Variants in GPD2 observed in about 807,000 individuals in gnomAD.
GPD2 encodes glycerol-3-phosphate dehydrogenase 2, also known as glycerol-3-phosphate dehydrogenase, mitochondrial.
GPD2 carries 54 observed loss-of-function variants against 82.4 expected under a neutral mutation model. That is an observed-to-expected ratio of 0.66 (90% confidence interval 0.53 to 0.82). The LOEUF (loss-of-function observed/expected upper bound fraction) is 0.82, where lower values mean the gene tolerates loss of function less well. Ranked by LOEUF, GPD2 falls within the 40% of genes least tolerant of loss-of-function variation. The pLI, the probability that GPD2 is intolerant of heterozygous loss-of-function variation, is 0.00. For synonymous variants in GPD2, 288 were observed against 306.1 expected, an observed-to-expected ratio of 0.94 and a Z score of 0.62; for missense variants, 748 against 896.2, an observed-to-expected ratio of 0.83 and a Z score of 2.11.
In GPD2 at chr2:156,513,333, G is replaced by A. The variant is rs1235081625; in HGVS notation, c.498G>A (p.Lys166=). The A allele has an allele frequency of 6.2e-7, 1 of 1,606,134 alleles. No individual in the cohort carries two copies. The highest frequency in any genetic ancestry group is 1.7e-5 in the Admixed American group (1 of 59,994). The part of the protein sequence containing the change: ...APLPIMLPVY[K]WWQLPYYWVG... ...ACTTTCCCCCCTATTTATGCTGTAG[G>A]TGGTGGCAGTTACCTTACTACTGGG... The change falls in exon 6 of 17, where the codon AAG becomes AAA. Residue 166 remains lysine, a splice_region_variant and synonymous_variant. Transcript: ENST00000438166.
chr2:156,444,515 C>G (rs1361266510), intron 1 of GPD2, among the ~76,000 whole-genome samples: 1 of 152,010 alleles, frequency 6.6e-6, no homozygotes, highest in East Asian at 1.9e-4. Flanking sequence ...GAGTTTGAGA[C>G]CAGCCTGGCC....
chr2:156,496,894 C>G (rs938646795), intron 3 of GPD2, among the ~76,000 whole-genome samples: 1 of 151,726 alleles, frequency 6.6e-6, no homozygotes, highest in East Asian at 1.9e-4. Flanking sequence ...CTGCAGTTTG[C>G]GAAACTTTAG....
chr2:156,418,475 A>C, the GPD2 span, among the ~76,000 whole-genome samples: 2 of 152,166 alleles, frequency 1.3e-5, no homozygotes, highest in Non-Finnish European at 2.9e-5. Context: ...GGTATGTATA[A>C]ATGTTGCAAG....
At position 156,578,936 on chromosome 2, in the gene GPD2, T is replaced by A; in HGVS notation, c.1815T>A (p.Tyr605Ter). The A allele has an allele frequency of 6.2e-7, 1 of 1,612,314 alleles. No homozygotes were observed. Among genetic ancestry groups the A allele is most frequent in the Non-Finnish European group, 8.5e-7 (1 of 1,178,588 alleles). Residue 605 changes from tyrosine to a stop codon, truncating the protein, a stop_gained, in exon 14 of 17, where the codon TAT (tyrosine) becomes TAA (stop). Coordinates refer to ENST00000438166, the MANE Select transcript of GPD2 (RefSeq NM_000408.5). LOFTEE classifies it high-confidence loss of function. ...ARKFLYYEMG[Y>*]KSRSEQLTDR... ...AGTTTCTATATTATGAAATGGGCTA[T>A]AAATCTCGATCAGAACAGTTAACAG... is the stretch of plus-strand genomic sequence containing the variant.
At chr2:156,534,144 G>T (rs538976159) in intron 6 of GPD2, among the ~76,000 whole-genome samples, 1 of 152,328 alleles carries the variant, frequency 6.6e-6, no homozygotes, top group East Asian at 1.9e-4. Context: ...AGGGGATGGA[G>T]TGGGAATATG....
upstream of GPD2, among the ~76,000 whole-genome samples, chr2:156,434,581 C>T (rs552518108): frequency 1.7e-4 from 26 of 152,312 alleles, no homozygotes; most frequent in South Asian, 5.4e-3. Context: ...ACAATCGCCT[C>T]TGAGCATGAG....
the GPD2 span, among the ~76,000 whole-genome samples, chr2:156,403,692 CCTT>C: frequency 1.3e-5 from 2 of 151,754 alleles, no homozygotes; most frequent in African/African-American, 4.8e-5. Context: ...GTACAAGAAA[CCTT>C]CTGTTCTATA....
rs1360496575 is a variant in GPD2 at position 156,549,621 on chromosome 2, T to C, written c.675T>C (p.Asp225=). ...TCCCCGCTGCAGGACAACATAACGA[T>C]GCACGGATGAACCTTGCCATTGCTC... The part of the protein sequence containing the change: ...AIVYYDGQHN[D]ARMNLAIALT... The change falls in exon 7 of 17, where the codon GAT becomes GAC. Residue 225 remains aspartate, a synonymous_variant. Transcript: ENST00000438166. The C allele has an allele frequency of 5.0e-6, 8 of 1,614,080 alleles. No homozygotes were observed. Among genetic ancestry groups the C allele is most frequent in the South Asian group, 1.1e-5 (1 of 91,084 alleles).
intron 6 of GPD2, among the ~76,000 whole-genome samples, chr2:156,541,775 A>C (rs995225596): frequency 6.9e-6 from 1 of 145,578 alleles, no homozygotes; most frequent in Non-Finnish European, 1.5e-5. Flanking sequence ...TAATTTTGTC[A>C]CATTGCTCCC....
At chr2:156,541,610 C>T (rs370349605) in intron 6 of GPD2, among the ~76,000 whole-genome samples, 3 of 152,090 alleles carry the variant, frequency 2.0e-5, no homozygotes, top group African/African-American at 7.2e-5. Flanking sequence ...TAACTTTACC[C>T]TCAAAGCCAG....
intron 6 of GPD2, among the ~76,000 whole-genome samples, chr2:156,519,805 G>A (rs549373718): frequency 2.4e-4 from 36 of 152,342 alleles, no homozygotes; most frequent in Admixed American, 7.2e-4. Context: ...CCTGGGCCAG[G>A]GTGAGTGCCT....
At chr2:156,575,547 C>A (rs963427403) in intron 13 of GPD2, among the ~76,000 whole-genome samples, 1 of 151,632 alleles carries the variant, frequency 6.6e-6, no homozygotes, top group Non-Finnish European at 1.5e-5. Context: ...GGACTACAGG[C>A]ATGCACCACC....
chr2:156,499,024 A>G (rs1015914141), intron 3 of GPD2, among the ~76,000 whole-genome samples: 3 of 152,154 alleles, frequency 2.0e-5, no homozygotes, highest in African/African-American at 7.2e-5. Context: ...TCAGAGATGT[A>G]TCTTGGTTTT....
intron 9 of GPD2, among the ~76,000 whole-genome samples, chr2:156,565,457 A>G (rs1233104627): frequency 1.3e-5 from 2 of 152,140 alleles, no homozygotes; most frequent in African/African-American, 4.8e-5. Context: ...CATCCAGATT[A>G]AATCTATTTA....
At chr2:156,525,557 G>C (rs935335259) in intron 6 of GPD2, among the ~76,000 whole-genome samples, 3 of 152,144 alleles carry the variant, frequency 2.0e-5, no homozygotes, top group Admixed American at 2.0e-4. Flanking sequence ...AACATGTTGA[G>C]TTTTTAGATA....
the GPD2 span, among the ~76,000 whole-genome samples, chr2:156,413,640 C>G: frequency 2.6e-5 from 4 of 152,052 alleles, no homozygotes; most frequent in Non-Finnish European, 4.4e-5. Flanking sequence ...CCCAGTGGCT[C>G]ACACCTGTAA....
At position 156,496,094 on chromosome 2, in the gene GPD2, C is replaced by A; in HGVS notation, c.153C>A (p.Asn51Lys). The change falls in exon 3 of 17, where the codon AAC becomes AAA. Residue 51 changes from asparagine to lysine, a missense_variant. Asn to Lys is a moderately conservative substitution (Grantham distance 94, BLOSUM62 0). Transcript: ENST00000438166. The part of the protein sequence containing the change: ...KAADCISEPV[N>K]REPPSREAQL... ...CAGACTGCATTTCAGAACCAGTTAA[C>A]AGGGAGCCTCCTTCCAGAGAAGCTC... 2 of 1,612,572 alleles carry A rather than the reference C, an allele frequency of 1.2e-6. No homozygotes were observed. Among genetic ancestry groups the A allele is most frequent in the Non-Finnish European group, 1.7e-6 (2 of 1,178,682 alleles).
At chr2:156,516,958 G>T (rs905896688) in intron 6 of GPD2, among the ~76,000 whole-genome samples, 1 of 152,152 alleles carries the variant, frequency 6.6e-6, no homozygotes, top group South Asian at 2.1e-4. Context: ...GCTGTAAGAG[G>T]TTTCCTCTGA....
At chr2:156,535,132 G>A (rs1686013868) in intron 6 of GPD2, among the ~76,000 whole-genome samples, 1 of 151,948 alleles carries the variant, frequency 6.6e-6, no homozygotes, top group Admixed American at 6.6e-5. Context: ...GCCAGGATGA[G>A]GAGTTTAGTT....
Sources: gnomAD v4.1 joint callset for allele counts (sites outside exome capture counted in the v4.1 genomes callset) on GRCh38, gnomAD v4.1.1 for gene constraint, MANE v1.5 for transcripts, NCBI Gene and HGNC (gene_info 2026-07-23, HGNC 2026-07-21) for gene names.